The following TGFBR3 variants were observed in gnomAD, a reference collection of about 807,000 sequenced individuals.
TGFBR3 encodes transforming growth factor beta receptor type 3.
A neutral mutation model predicts 87.9 loss-of-function variants in TGFBR3; 46 were observed. The ratio of observed to expected loss-of-function variants is 0.52; its 90% CI spans 0.41 to 0.67. The LOEUF is 0.67. TGFBR3 is among the 30% of genes least tolerant of loss of function. TGFBR3 has a pLI of 0.00. For synonymous variants in TGFBR3, 381 were observed against 391.6 expected (o/e 0.97, Z 0.32); for missense variants, 866 against 1,041.9 (o/e 0.83, Z 2.32).
At chr1:91,854,922 C>A (rs570918979) in intron 2 of TGFBR3, among the ~76,000 whole-genome samples, 1 of 152,290 alleles carries the variant, frequency 6.6e-6, no homozygotes, top group Non-Finnish European at 1.5e-5. Flanking sequence ...CCCCCAGAGG[C>A]TGCTGTGAGG....
rs551369017 is a variant in TGFBR3, at chr1:91,797,571, C to A, written c.62-100G>T. 1.7e-5 allele frequency: 22 copies of A among 1,304,094 alleles called. No homozygotes were observed. The East Asian group carries it at 4.7e-4, about 28-fold the overall frequency. The allele number at this position is 1,304,094 out of a possible 1,614,324, so 80.8% of individuals were successfully genotyped here. A position where few individuals can be genotyped will look rare whatever the true frequency, so the allele number is the denominator to read the frequency against. On this transcript the variant is annotated intron_variant, in intron 2 of 16. Transcript: ENST00000212355. ...AACCACTGCCAACCCACCAGAGATG[C>A]CTTTCCAGGTAAACTGTTCCAAGAC...
chr1:91,792,235 G>T (rs1456515330), intron 3 of TGFBR3, among the ~76,000 whole-genome samples: 1 of 152,036 alleles, frequency 6.6e-6, no homozygotes, highest in Non-Finnish European at 1.5e-5. Context: ...CTGTATTTCT[G>T]CTTACACTGT....
Position 91,683,468 on chromosome 1 carries a change from C to G in TGFBR3, c.*271G>C. 1 of 657,896 alleles carries G rather than the reference C, an allele frequency of 1.5e-6. No individual in the cohort carries two copies. The highest frequency in any genetic ancestry group is 2.8e-6 in the Non-Finnish European group (1 of 358,288). The allele number at this position is 657,896 out of a possible 1,614,324, so 40.8% of individuals were successfully genotyped here. On this transcript the variant is annotated 3_prime_UTR_variant, in exon 17 of 17. Coordinates refer to ENST00000212355, the MANE Select transcript of TGFBR3 (RefSeq NM_003243.5). ...GTGTTTCACATTGAAAACCCCCAAG[C>G]CTGTGAGGGGCTGGTGGAGAAGACC...
chr1:91,832,692 G>A (rs571109360), intron 2 of TGFBR3, among the ~76,000 whole-genome samples: 1 of 152,150 alleles, frequency 6.6e-6, no homozygotes, highest in African/African-American at 2.4e-5. Context: ...ATCGAAGGGA[G>A]TTTCTTCTCA....
intron 2 of TGFBR3, among the ~76,000 whole-genome samples, chr1:91,816,104 A>G (rs1443560934): frequency 6.6e-6 from 1 of 152,210 alleles, no homozygotes; most frequent in African/African-American, 2.4e-5. Context: ...CTAATTCTAA[A>G]TGTGGATGTT....
intron 4 of TGFBR3, among the ~76,000 whole-genome samples, chr1:91,754,125 T>G (rs919762556): frequency 1.3e-5 from 2 of 152,220 alleles, no homozygotes; most frequent in African/African-American, 4.8e-5. Context: ...CATCTTTTCA[T>G]GTGTTTTTTG....
chr1:91,780,551 C>CTGTTTTTTT (rs1674722533), intron 3 of TGFBR3, among the ~76,000 whole-genome samples: 1 of 77,166 alleles, frequency 1.3e-5, no homozygotes, highest in Non-Finnish European at 2.3e-5. Context: ...GGGTCTAAGG[C>CTGTTTTTTT]TTTTTTTTTT....
intron 2 of TGFBR3, among the ~76,000 whole-genome samples, chr1:91,800,547 T>G (rs1453582664): frequency 6.6e-6 from 1 of 151,538 alleles, no homozygotes; most frequent in Non-Finnish European, 1.5e-5. Context: ...TTACTTGGCT[T>G]GACGTTTAAA....
intron 2 of TGFBR3, among the ~76,000 whole-genome samples, chr1:91,843,957 G>A (rs1677383062): frequency 6.6e-6 from 1 of 152,166 alleles, no homozygotes; most frequent in East Asian, 1.9e-4. Context: ...TTTGTTACAA[G>A]TCCAAAATGA....
chr1:91,905,984 T>A (rs1348378652), exon 1 of TGFBR3: 1 of 152,066 alleles, frequency 6.6e-6, no homozygotes, highest in African/African-American at 2.4e-5. Context: ...TCTTTCTTAG[T>A]AGCTACAAAT....
chr1:91,838,350 A>G (rs1420318304), intron 2 of TGFBR3, among the ~76,000 whole-genome samples: 2 of 152,220 alleles, frequency 1.3e-5, no homozygotes, highest in African/African-American at 4.8e-5. Flanking sequence ...ACTAAAAACC[A>G]ACTATAATAA....
At chr1:91,746,425 T>C (rs1398786751) in intron 4 of TGFBR3, among the ~76,000 whole-genome samples, 5 of 152,214 alleles carry the variant, frequency 3.3e-5, no homozygotes, top group Non-Finnish European at 7.3e-5. Context: ...CTCCTAACTT[T>C]ACCCTTCCTC....
intron 2 of TGFBR3, among the ~76,000 whole-genome samples, chr1:91,842,950 C>G (rs912867451): frequency 6.6e-6 from 1 of 152,186 alleles, no homozygotes; most frequent in African/African-American, 2.4e-5. Context: ...CCTCTCCCAA[C>G]TCCATCACTC....
At chr1:91,855,394 C>T (rs1677899220) in intron 2 of TGFBR3, among the ~76,000 whole-genome samples, 2 of 152,318 alleles carry the variant, frequency 1.3e-5, no homozygotes, top group South Asian at 4.2e-4. Flanking sequence ...TCCAGCCCTT[C>T]CAATAAAACT....
chr1:91,901,334 C>T (rs1443380644), intron 1 of TGFBR3, among the ~76,000 whole-genome samples: 1 of 152,146 alleles, frequency 6.6e-6, no homozygotes, highest in African/African-American at 2.4e-5. Flanking sequence ...AGTAGCTTCT[C>T]CAGCATGGAA....
chr1:91,727,795 A>G lies in TGFBR3; in HGVS notation c.749T>C (p.Val250Ala), dbSNP rs761959767. The G allele has an allele frequency of 3.1e-6, 5 of 1,613,896 alleles. No individual in the cohort carries two copies. Among genetic ancestry groups the G allele is most frequent in the Non-Finnish European group, 4.2e-6 (5 of 1,179,982 alleles). The change falls in exon 7 of 17, where the codon GTG becomes GCG. Residue 250 changes from valine (V) to alanine (A), a missense_variant. Val to Ala is a moderately conservative substitution (Grantham distance 64). Coordinates refer to ENST00000212355, the MANE Select transcript of TGFBR3 (RefSeq NM_003243.5). ...AGGTCTTATATCAATTGTTATATCCACCTGGAAAGCACTGTGAATGGAAGA... is the reference window on the plus strand; with the variant it reads ...AGGTCTTATATCAATTGTTATATCCGCCTGGAAAGCACTGTGAATGGAAGA... The part of the protein sequence containing the change: ...PNSNPYSAFQ[V>A]DITIDIRPSQ...
intron 4 of TGFBR3, among the ~76,000 whole-genome samples, chr1:91,749,405 C>T (rs1673459641): frequency 6.6e-6 from 1 of 152,138 alleles, no homozygotes; most frequent in Non-Finnish European, 1.5e-5. Flanking sequence ...CCCACAGTTG[C>T]AACAAAGACC....
At chr1:91,833,354 G>A (rs1378484632) in intron 2 of TGFBR3, among the ~76,000 whole-genome samples, 3 of 138,208 alleles carry the variant, frequency 2.2e-5, no homozygotes, top group Non-Finnish European at 4.6e-5. Flanking sequence ...CCAGCTACTA[G>A]GGAGACTGAG....
At chr1:91,829,396 A>C (rs1419201066) in intron 2 of TGFBR3, among the ~76,000 whole-genome samples, 1 of 63,750 alleles carries the variant, frequency 1.6e-5, no homozygotes. Context: ...ACAAACAAAC[A>C]AAAAAAAAAA....
Sources: gnomAD v4.1 joint callset for allele counts (sites outside exome capture counted in the v4.1 genomes callset) on GRCh38, gnomAD v4.1.1 for gene constraint, MANE v1.5 for transcripts, NCBI Gene and HGNC (gene_info 2026-07-23, HGNC 2026-07-21) for gene names.